PDE5A: variants seen among roughly 807,000 people sequenced by gnomAD.
PDE5A encodes the protein phosphodiesterase 5A.
In PDE5A, 67 loss-of-function variants were observed where a neutral mutation model predicts 110.2. The observed-to-expected ratio is 0.61, with a 90% CI of 0.50 to 0.75. The LOEUF (loss-of-function observed/expected upper bound fraction) is 0.75, where lower values mean the gene tolerates loss of function less well. Ranked by LOEUF, PDE5A falls within the 30% of genes least tolerant of loss-of-function variation. The pLI is 0.00. For missense variants in PDE5A, 862 were observed against 1,045.1 expected (o/e 0.82, Z 2.42); for synonymous variants, 328 against 351.2 (o/e 0.93, Z 0.74).
chr4:119,515,860 A>C (rs970434820), intron 14 of PDE5A, among the ~76,000 whole-genome samples: 1 of 152,192 alleles, frequency 6.6e-6, no homozygotes, highest in Non-Finnish European at 1.5e-5. Context: ...TGTAGCTTAC[A>C]TTCAGACTTC....
At chr4:119,539,054 G>T (rs200868040) in intron 10 of PDE5A, 35 bp from the exon 11 acceptor site, 1 of 1,511,206 alleles carries the variant, frequency 6.6e-7, no homozygotes, top group South Asian at 1.1e-5. Context: ...GGTTACACAG[G>T]AGAGAACTAC....
rs1208217479 is a variant in PDE5A, at chr4:119,495,830, A to T, written c.*2771T>A. On this transcript the variant is annotated 3_prime_UTR_variant, in exon 21 of 21. Coordinates refer to ENST00000354960, the MANE Select transcript of PDE5A (RefSeq NM_001083.4). ...ATAAATATATTCTCTTTGTTCAGTC[A>T]TGGAAACTCAACATTAGAAATGACA... 2 of 152,300 alleles carry T rather than the reference A, an allele frequency of 1.3e-5. No individual in the cohort carries two copies. The highest frequency in any genetic ancestry group is 4.8e-5 in the African/African-American group (2 of 41,582). The allele number at this position is 152,300 out of a possible 1,614,324, so 9.4% of individuals were successfully genotyped here.
chr4:119,542,248 G>C (rs369091452), intron 10 of PDE5A, among the ~76,000 whole-genome samples: 1 of 152,064 alleles, frequency 6.6e-6, no homozygotes, highest in African/African-American at 2.4e-5. Context: ...TTGTGGTTTG[G>C]TTATATGACA....
chr4:119,524,302 T>G (rs1340504197), intron 12 of PDE5A, among the ~76,000 whole-genome samples: 2 of 152,138 alleles, frequency 1.3e-5, no homozygotes, highest in African/African-American at 4.8e-5. Context: ...TACTCTACCA[T>G]GCTGTCCCAA....
intron 3 of PDE5A, among the ~76,000 whole-genome samples, chr4:119,587,408 G>A (rs1448645298): frequency 1.4e-5 from 2 of 145,252 alleles, no homozygotes; most frequent in African/African-American, 5.1e-5. Context: ...ACGGAGTCTC[G>A]CTCTGTCGCC....
intron 11 of PDE5A, chr4:119,527,331 G>GT (rs1262221922): frequency 1.3e-5 from 2 of 152,094 alleles, no homozygotes; most frequent in African/African-American, 2.4e-5. Context: ...AGCTGACCCA[G>GT]TGGGGACATG....
intron 3 of PDE5A, among the ~76,000 whole-genome samples, chr4:119,580,272 A>G (rs567761750): frequency 1.1e-4 from 16 of 152,248 alleles, no homozygotes; most frequent in Non-Finnish European, 1.8e-4. Context: ...AAGCTCTTAA[A>G]CCTAGAACTA....
At chr4:119,544,101 C>T (rs1328845365) in intron 9 of PDE5A, among the ~76,000 whole-genome samples, 2 of 152,102 alleles carry the variant, frequency 1.3e-5, no homozygotes, top group African/African-American at 4.8e-5. Flanking sequence ...GTCTATTATC[C>T]TTTATTTTTC....
chr4:119,581,934 A>G (rs1372250726), intron 3 of PDE5A, among the ~76,000 whole-genome samples: 2 of 152,244 alleles, frequency 1.3e-5, no homozygotes, highest in African/African-American at 4.8e-5. Context: ...TTAGCTAGCT[A>G]TAAACTTTTT....
intron 3 of PDE5A, among the ~76,000 whole-genome samples, chr4:119,589,635 T>C (rs1352609416): frequency 6.6e-6 from 1 of 152,134 alleles, no homozygotes; most frequent in Non-Finnish European, 1.5e-5. Flanking sequence ...TTCATTATGC[T>C]TCATTTGTAG....
rs1730418262 is a variant in PDE5A, at chr4:119,627,898, T to C, written c.152+622A>G. 1.0e-5 allele frequency: 3 copies of C among 290,750 alleles called. No individual in the cohort carries two copies. The highest frequency in any genetic ancestry group is 1.5e-5 in the Non-Finnish European group (3 of 194,696). 18.0% of individuals were successfully genotyped at this position (290,750 alleles called of 1,614,324 possible). ...CGCCGCAAACCCCTCTGCAGAGCTC[T>C]ACTTTTGGCGGCACAGCCTTCGGCG... On this transcript the variant is annotated intron_variant, in intron 1 of 20. Coordinates refer to ENST00000354960, the MANE Select transcript of PDE5A (RefSeq NM_001083.4). The surrounding 1 kb of genome is among the most constrained non-coding windows in gnomAD (Gnocchi z 4.6).
At chr4:119,527,892 G>C (rs1395321059) in intron 11 of PDE5A, among the ~76,000 whole-genome samples, 1 of 152,038 alleles carries the variant, frequency 6.6e-6, no homozygotes, top group African/African-American at 2.4e-5. Flanking sequence ...CTGGAACTGT[G>C]ATACCACCTA....
At chr4:119,602,137 A>G (rs1305393093) in intron 2 of PDE5A, among the ~76,000 whole-genome samples, 1 of 152,202 alleles carries the variant, frequency 6.6e-6, no homozygotes, top group African/African-American at 2.4e-5. Flanking sequence ...ATAGTATTCT[A>G]TCAATATAAA....
In PDE5A at chr4:119,590,992, G is replaced by A. The variant is rs764098859; in HGVS notation, c.831+5531C>T. Reference sequence around the variant, plus strand: ...AGTCAGAATGGGTATTGGCTTACTCGATAAGGGTGGACTTAGAAAAAGAGA... The same window carrying A: ...AGTCAGAATGGGTATTGGCTTACTCAATAAGGGTGGACTTAGAAAAAGAGA... On this transcript the variant is annotated intron_variant, in intron 3 of 20. Transcript: ENST00000354960. 1.4e-4 allele frequency among the ~76,000 whole-genome samples: 22 copies of A among 152,272 alleles called. No individual in the cohort carries two copies. The South Asian group carries it at 1.9e-3, about 13-fold the overall frequency.
chr4:119,583,005 G>A (rs1387934944), intron 3 of PDE5A, among the ~76,000 whole-genome samples: 2 of 152,172 alleles, frequency 1.3e-5, no homozygotes, highest in African/African-American at 4.8e-5. Flanking sequence ...AAATTCACCA[G>A]CTGCATTAGC....
intron 1 of PDE5A, among the ~76,000 whole-genome samples, chr4:119,609,378 G>A (rs1729662917): frequency 6.6e-6 from 1 of 152,068 alleles, no homozygotes; most frequent in Admixed American, 6.6e-5. Flanking sequence ...ACACTAGGCA[G>A]ACATTAAAAC....
chr4:119,511,167 A>T, intron 14 of PDE5A, 33 bp from the exon 15 acceptor site: 1 of 1,382,890 alleles, frequency 7.2e-7, no homozygotes, highest in Non-Finnish European at 1.0e-6. Flanking sequence ...AGGAAAAAAG[A>T]TCAGTTTCCT....
chr4:119,564,040 AT>A (rs1223203549), intron 5 of PDE5A, among the ~76,000 whole-genome samples: 2 of 151,198 alleles, frequency 1.3e-5, no homozygotes, highest in Admixed American at 6.6e-5. Context: ...ATGAAAAAAA[AT>A]ACTGTGAAAT....
At chr4:119,535,569 G>A (rs1395367765) in intron 11 of PDE5A, among the ~76,000 whole-genome samples, 1 of 151,906 alleles carries the variant, frequency 6.6e-6, no homozygotes, top group Admixed American at 6.6e-5. Context: ...CAGGTCAGCC[G>A]GGGTCCTTTT....
Sources: allele counts gnomAD v4.1 joint callset (sites outside exome capture counted in the v4.1 genomes callset), GRCh38; gene constraint gnomAD v4.1.1; non-coding constraint Gnocchi (gnomAD v3.1); transcripts MANE v1.5; gene names NCBI Gene and HGNC (gene_info 2026-07-23, HGNC 2026-07-21).